Variants in RBFOX1 observed in about 807,000 individuals in gnomAD.
RBFOX1 encodes RNA binding fox-1 homolog 1.
RBFOX1 carries 8 observed loss-of-function variants against 57.7 expected under a neutral mutation model. The ratio of observed to expected loss-of-function variants is 0.14; its 90% CI spans 0.08 to 0.25. RBFOX1 has a LOEUF of 0.25. RBFOX1 is among the 10% of genes least tolerant of loss of function. The pLI is 1.00. For missense variants in RBFOX1, 611 were observed against 548.5 expected, an observed-to-expected ratio of 1.11 and a Z score of -1.14; for synonymous variants, 326 against 222.4, an observed-to-expected ratio of 1.47 and a Z score of -4.15.
At chr16:7,152,915 G>A (rs2076371208) in intron 4 of RBFOX1, among the ~76,000 whole-genome samples, 1 of 152,174 alleles carries the variant, frequency 6.6e-6, no homozygotes, top group Non-Finnish European at 1.5e-5. Context: ...GATGTTTTCT[G>A]AGAACAAACA....
At chr16:6,079,362 A>T (rs1189201898) in intron 1 of RBFOX1, among the ~76,000 whole-genome samples, 5 of 152,298 alleles carry the variant, frequency 3.3e-5, no homozygotes, top group Admixed American at 3.3e-4. Flanking sequence ...GCCAGGTTGG[A>T]GTGTGGCAGT....
At chr16:5,779,714 G>T (rs7202393) in intron 3 of RBFOX1, among the ~76,000 whole-genome samples, 37,376 of 152,102 alleles carry the variant, frequency 0.25, 5,393 homozygotes, top group East Asian at 0.55. Flanking sequence ...CAAGTGGAAT[G>T]ATGGGATTGT....
At chr16:5,510,383 C>G (rs1315185573) in intron 2 of RBFOX1, among the ~76,000 whole-genome samples, 1 of 152,170 alleles carries the variant, frequency 6.6e-6, no homozygotes. Flanking sequence ...TGTCTCTCAT[C>G]CATTTGGAAC....
At chr16:6,436,720 G>C (rs2094245906) in intron 2 of RBFOX1, among the ~76,000 whole-genome samples, 1 of 151,868 alleles carries the variant, frequency 6.6e-6, no homozygotes, top group African/African-American at 2.4e-5. Context: ...ATGATAATTT[G>C]TATCCCCAAA....
At chr16:6,297,909 A>G (rs2078320936) in intron 1 of RBFOX1, among the ~76,000 whole-genome samples, 1 of 152,120 alleles carries the variant, frequency 6.6e-6, no homozygotes, top group African/African-American at 2.4e-5. Context: ...ATCTATCCAG[A>G]TGAGAGCCAC....
At chr16:6,255,378 G>A (rs1487088537) in intron 1 of RBFOX1, among the ~76,000 whole-genome samples, 2 of 152,120 alleles carry the variant, frequency 1.3e-5, no homozygotes, top group Admixed American at 1.3e-4. Flanking sequence ...AGGATGGCTG[G>A]TATTTTGCTC....
At chr16:5,723,397 T>A (rs80243981) in intron 3 of RBFOX1, among the ~76,000 whole-genome samples, 13,566 of 79,624 alleles carry the variant, frequency 0.17, 3,448 homozygotes, top group African/African-American at 0.52. Context: ...AAACAGTGGC[T>A]ATCTCAAGCT....
intron 3 of RBFOX1, among the ~76,000 whole-genome samples, chr16:6,863,828 C>A (rs144144728): frequency 2.1e-5 from 3 of 143,430 alleles, no homozygotes; most frequent in African/African-American, 7.9e-5. Flanking sequence ...ATGAAAGGAG[C>A]CAAATCAGGT....
At chr16:5,424,115 A>C (rs1567488008) in intron 1 of RBFOX1, among the ~76,000 whole-genome samples, 1 of 152,174 alleles carries the variant, frequency 6.6e-6, no homozygotes, top group African/African-American at 2.4e-5. Flanking sequence ...CTCAGTAGCT[A>C]TTCAATCAGT....
chr16:6,778,734 C>G (rs1267662694), intron 3 of RBFOX1, among the ~76,000 whole-genome samples: 1 of 152,028 alleles, frequency 6.6e-6, no homozygotes, highest in African/African-American at 2.4e-5. Flanking sequence ...CTTCCTGAGT[C>G]TTTTGTGAAA....
rs999556580 is a variant in RBFOX1, at chr16:6,397,972, A to G, written c.-64+80915A>G. On this transcript the variant is annotated intron_variant, in intron 2 of 15. Transcript: ENST00000550418. ...AAAAGGGGAATAGAGAAACAACGGC[A>G]TAACAAAAACAATAGTAACAAAAAG... Among the ~76,000 whole-genome samples, 7 of 152,264 alleles carry G rather than the reference A, an allele frequency of 4.6e-5. No homozygotes were observed. In the South Asian group the frequency reaches 1.4e-3, roughly 31 times the overall value.
chr16:6,623,086 T>C (rs960412417), intron 2 of RBFOX1, among the ~76,000 whole-genome samples: 1 of 152,360 alleles, frequency 6.6e-6, no homozygotes, highest in African/African-American at 2.4e-5. Context: ...TTACCTGCTG[T>C]GTCCCTTGAA....
intron 3 of RBFOX1, among the ~76,000 whole-genome samples, chr16:6,758,239 C>G (rs2076100257): frequency 6.6e-6 from 1 of 152,014 alleles, no homozygotes; most frequent in Non-Finnish European, 1.5e-5. Context: ...AAGCTACTAT[C>G]AGAATCAGTC....
chr16:6,782,207 A>T (rs913566388), intron 3 of RBFOX1, among the ~76,000 whole-genome samples: 2 of 152,264 alleles, frequency 1.3e-5, no homozygotes, highest in African/African-American at 4.8e-5. Flanking sequence ...GGGTTTCGCC[A>T]TGTTGGCCAG....
intron 5 of RBFOX1, among the ~76,000 whole-genome samples, chr16:7,522,033 G>C (rs976599880): frequency 1.3e-5 from 2 of 152,190 alleles, no homozygotes; most frequent in East Asian, 3.8e-4. Flanking sequence ...TTCCTGGCTT[G>C]TGTGGTGTTA....
At chr16:5,825,747 C>T (rs1460827986) in intron 3 of RBFOX1, among the ~76,000 whole-genome samples, 1 of 147,784 alleles carries the variant, frequency 6.8e-6, no homozygotes, top group Non-Finnish European at 1.5e-5. Flanking sequence ...CTTATTATTC[C>T]TTAATATGAA....
intron 4 of RBFOX1, among the ~76,000 whole-genome samples, chr16:7,452,949 T>C (rs1598775816): frequency 6.6e-6 from 1 of 151,842 alleles, no homozygotes; most frequent in African/African-American, 2.4e-5. Flanking sequence ...GCCAACATGG[T>C]GAAAAACCAT....
At chr16:6,858,514 T>G (rs2058324875) in intron 3 of RBFOX1, among the ~76,000 whole-genome samples, 1 of 152,150 alleles carries the variant, frequency 6.6e-6, no homozygotes, top group Admixed American at 6.6e-5. Context: ...TTGAAGCTGC[T>G]TTTGTATCAC....
chr16:7,637,641 A>T (rs1246278789), intron 11 of RBFOX1, among the ~76,000 whole-genome samples: 11 of 152,200 alleles, frequency 7.2e-5, no homozygotes, highest in African/African-American at 2.2e-4. Context: ...ACTAGAAAGG[A>T]CACATACAGG....
Sources: gnomAD v4.1 joint callset for allele counts (sites outside exome capture counted in the v4.1 genomes callset) on GRCh38, gnomAD v4.1.1 for gene constraint, MANE v1.5 for transcripts, NCBI Gene and HGNC (gene_info 2026-07-23, HGNC 2026-07-21) for gene names.